SUN5: variants seen among roughly 807,000 people sequenced by gnomAD.
SUN5 encodes the protein SUN domain-containing protein 5.
A neutral mutation model predicts 53.7 loss-of-function variants in SUN5; 44 were observed. That is an observed-to-expected ratio of 0.82 (90% CI 0.64 to 1.05). SUN5 has a LOEUF of 1.05. Among genes scored for constraint, SUN5 ranks in the 50% least tolerant of loss-of-function variants. The pLI is 0.00. For synonymous variants in SUN5, 166 were observed against 179.8 expected (o/e 0.92, Z 0.62); for missense variants, 433 against 483.8 (o/e 0.90, Z 0.98).
intron 8 of SUN5, among the ~76,000 whole-genome samples, chr20:32,994,090 G>GTT (rs1379380442): frequency 2.0e-5 from 3 of 152,196 alleles, no homozygotes; most frequent in African/African-American, 7.2e-5. Flanking sequence ...CAAACATACA[G>GTT]TAAGTCTGCC....
In SUN5 at chr20:32,983,924, G is replaced by A. The variant is rs568690831; in HGVS notation, c.1010C>T (p.Ala337Val). ...LQNQPARAFSAVKVKISSNWG... is the reference protein window; with the variant it reads ...LQNQPARAFSVVKVKISSNWG... Reference sequence around the variant, plus strand: ...GTTGCTTGAGATCTTCACCTTGACCGCACTGAAAGCCCGGGCCGGCTGGTT... The same window carrying A: ...GTTGCTTGAGATCTTCACCTTGACCACACTGAAAGCCCGGGCCGGCTGGTT... Residue 337 changes from alanine to valine, a missense_variant, in exon 13 of 13, where the codon GCG becomes GTG. Coordinates refer to ENST00000356173, the MANE Select transcript of SUN5 (RefSeq NM_080675.4). The A allele has an allele frequency of 1.6e-5, 26 of 1,589,980 alleles. No individual in the cohort carries two copies. Among genetic ancestry groups the A allele is most frequent in the Admixed American group, 5.2e-5 (3 of 57,208 alleles).
At chr20:32,988,424 C>G (rs768294930) in intron 9 of SUN5, among the ~76,000 whole-genome samples, 2 of 152,126 alleles carry the variant, frequency 1.3e-5, no homozygotes, top group Non-Finnish European at 2.9e-5. Context: ...CTGAATGGCT[C>G]TCACCGGCCT....
intron 8 of SUN5, 84 bp from the exon 9 acceptor site, chr20:32,989,782 G>C: frequency 1.8e-6 from 2 of 1,103,462 alleles, no homozygotes; most frequent in Non-Finnish European, 2.7e-6. Context: ...GTAACAGGGG[G>C]CTGCAGGACG....
At chr20:32,997,093 A>G (rs1189731423) in intron 6 of SUN5, among the ~76,000 whole-genome samples, 1 of 152,152 alleles carries the variant, frequency 6.6e-6, no homozygotes, top group Non-Finnish European at 1.5e-5. Context: ...AGAGGAGGTG[A>G]TATTTTAGCC....
In SUN5 at chr20:33,001,184, C is replaced by T. The variant is rs373907527; in HGVS notation, c.278+28G>A. 11 of 1,559,540 alleles carry T rather than the reference C, an allele frequency of 7.1e-6. No individual in the cohort carries two copies. The African/African-American group carries it at 1.5e-4, about 21-fold the overall frequency. Reference sequence around the variant, plus strand: ...CCAGCTGCCATTTCCCACTCCCCATCCACCCTCCCCCTGCCTTCCCTGCTC... The same window carrying T: ...CCAGCTGCCATTTCCCACTCCCCATTCACCCTCCCCCTGCCTTCCCTGCTC... On this transcript the variant is annotated intron_variant, in intron 4 of 12. Transcript: ENST00000356173.
chr20:32,989,558 C>T, intron 9 of SUN5, 62 bp downstream of exon 9: 1 of 1,455,994 alleles, frequency 6.9e-7, no homozygotes, highest in Admixed American at 1.7e-5. Flanking sequence ...CTGAAACCCA[C>T]CCTGTGTACA....
intron 8 of SUN5, among the ~76,000 whole-genome samples, chr20:32,994,167 C>T (rs952625085): frequency 1.3e-5 from 2 of 152,204 alleles, no homozygotes; most frequent in Non-Finnish European, 2.9e-5. Context: ...CTTAAAACCT[C>T]TGGATAAATT....
At chr20:33,002,519 G>A (rs1990076446) in intron 3 of SUN5, 68 bp downstream of exon 3, 11 of 1,541,628 alleles carry the variant, frequency 7.1e-6, no homozygotes, top group Non-Finnish European at 9.9e-6. Flanking sequence ...AGGTCAGCCT[G>A]GGCCGAGGCT....
intron 8 of SUN5, among the ~76,000 whole-genome samples, chr20:32,995,287 A>G (rs909586762): frequency 6.6e-6 from 1 of 152,212 alleles, no homozygotes; most frequent in Admixed American, 6.5e-5. Context: ...TACTCAAAGG[A>G]TCAATAATAA....
At chr20:32,990,715 C>A (rs1204799518) in intron 8 of SUN5, among the ~76,000 whole-genome samples, 1 of 152,210 alleles carries the variant, frequency 6.6e-6, no homozygotes, top group Non-Finnish European at 1.5e-5. Flanking sequence ...TCTCCAGTCA[C>A]GTGAGTGAAT....
chr20:33,001,815 C>T (rs1036975394), intron 3 of SUN5, among the ~76,000 whole-genome samples: 5 of 151,744 alleles, frequency 3.3e-5, no homozygotes, highest in South Asian at 2.1e-4. Context: ...ACTACAAGTG[C>T]GTGCCACCAC....
In SUN5 at chr20:33,002,657, G is replaced by A. The variant is rs375807222; in HGVS notation, c.141C>T (p.Asp47=). Residue 47 remains aspartate, a synonymous_variant, in exon 3 of 13, where the codon GAC becomes GAT. Transcript: ENST00000356173. ...MAEDTSPNMN[D]NILLPVRNND... is the part of the protein sequence containing the mutation. Reference sequence around the variant, plus strand: ...TGTTGCGGACAGGCAACAGGATGTTGTCATCTGCAGAGAGCACAGGACTGT... The same window carrying A: ...TGTTGCGGACAGGCAACAGGATGTTATCATCTGCAGAGAGCACAGGACTGT... The A allele has an allele frequency of 1.2e-5, 19 of 1,614,250 alleles. No homozygotes were observed. The East Asian group carries it at 3.1e-4, about 26-fold the overall frequency.
intron 8 of SUN5, among the ~76,000 whole-genome samples, chr20:32,994,718 G>A (rs998883452): frequency 6.6e-6 from 1 of 152,108 alleles, no homozygotes; most frequent in African/African-American, 2.4e-5. Flanking sequence ...AGTCGACATG[G>A]TGAAACCCTG....
intron 5 of SUN5, among the ~76,000 whole-genome samples, chr20:32,999,485 C>G (rs552165131): frequency 3.8e-4 from 58 of 151,962 alleles, no homozygotes; most frequent in African/African-American, 1.4e-3. Flanking sequence ...CCCAGCTACT[C>G]GGGAGACTGA....
At chr20:32,999,464 G>A (rs1026070930) in intron 5 of SUN5, among the ~76,000 whole-genome samples, 3 of 152,034 alleles carry the variant, frequency 2.0e-5, no homozygotes, top group Non-Finnish European at 4.4e-5. Context: ...GTGGTGGCGC[G>A]CGCCTGTAGT....
intron 8 of SUN5, 140 bp from the exon 9 acceptor site, chr20:32,989,838 C>T: frequency 1.4e-6 from 1 of 718,370 alleles, no homozygotes; most frequent in Non-Finnish European, 2.4e-6. Context: ...AAGCCTGTGG[C>T]TCTGTGAAAG....
Position 32,985,853 on chromosome 20 carries a change from C to G in SUN5, c.780G>C (p.Gln260His), listed in dbSNP as rs1335100647. The G allele has an allele frequency of 6.2e-7, 1 of 1,614,128 alleles. No homozygotes were observed. The highest frequency in any genetic ancestry group is 8.5e-7 in the Non-Finnish European group (1 of 1,179,978). Residue 260 changes from glutamine to histidine, a missense_variant, in exon 11 of 13, where the codon CAG (glutamine) becomes CAC (histidine). By Grantham distance (24) the Gln-to-His change is conservative. Coordinates refer to ENST00000356173, the MANE Select transcript of SUN5 (RefSeq NM_080675.4). ...NCWAFEGDRG[Q>H]VTIQLAQKVY... ...CCTTCTGAGCCAATTGGATGGTCACCTGGCCGCGGTCACCCTCAAAGGCCC... is the reference window on the plus strand; with the variant it reads ...CCTTCTGAGCCAATTGGATGGTCACGTGGCCGCGGTCACCCTCAAAGGCCC...
rs1989659180 is a variant in SUN5 at position 32,989,715 on chromosome 20, C to T, written c.535-17G>A. On this transcript the variant is annotated splice_polypyrimidine_tract_variant and intron_variant, in intron 8 of 12. Transcript: ENST00000356173. ...CATTTTTTGCTGAAAAGGCAGAAAA[C>T]ACAAGTTGTGCCCTGGTGTGTTGTC... 2 of 1,610,180 alleles carry T rather than the reference C, an allele frequency of 1.2e-6. No homozygotes were observed. The highest frequency in any genetic ancestry group is 1.1e-5 in the South Asian group (1 of 90,988).
chr20:32,996,442 C>A, intron 6 of SUN5, 84 bp from the exon 7 acceptor site: 3 of 1,249,510 alleles, frequency 2.4e-6, no homozygotes, highest in Non-Finnish European at 3.5e-6. Context: ...TATTCTCCCA[C>A]AATTATAAAC....
Sources: allele counts gnomAD v4.1 joint callset (sites outside exome capture counted in the v4.1 genomes callset), GRCh38; gene constraint gnomAD v4.1.1; transcripts MANE v1.5; gene names NCBI Gene and HGNC (gene_info 2026-07-23, HGNC 2026-07-21).